MAGI2: variants seen among roughly 807,000 people sequenced by gnomAD.
MAGI2 encodes the protein membrane associated guanylate kinase, WW and PDZ domain containing 2, also known as membrane-associated guanylate kinase, WW and PDZ domain-containing protein 2.
A neutral mutation model predicts 133.3 loss-of-function variants in MAGI2; 35 were observed. The ratio of observed to expected loss-of-function variants is 0.26; its 90% CI spans 0.20 to 0.35. The LOEUF (loss-of-function observed/expected upper bound fraction) is 0.35, where lower values mean the gene tolerates loss of function less well. Ranked by LOEUF, MAGI2 falls within the 10% of genes least tolerant of loss-of-function variation. The probability of loss-of-function intolerance (pLI) is 1.00; values close to 1 mark genes in which losing one functional copy is unlikely to be tolerated. For synonymous variants in MAGI2, 729 were observed against 710.6 expected (o/e 1.03, Z -0.41); for missense variants, 1,636 against 1,863.4 (o/e 0.88, Z 2.25).
At chr7:79,028,275 ATGTATATATATATATATGTGTG>A (rs1810171814) in intron 1 of MAGI2, among the ~76,000 whole-genome samples, 2 of 28,452 alleles carry the variant, frequency 7.0e-5, no homozygotes, top group African/African-American at 2.0e-4. Context: ...ATATGTATGT[ATGTATATATATATATATGTGTG>A]TATATATATA....
chr7:78,976,278 A>T (rs1314600900), intron 2 of MAGI2, among the ~76,000 whole-genome samples: 1 of 151,598 alleles, frequency 6.6e-6, no homozygotes, highest in Non-Finnish European at 1.5e-5. Context: ...TCAACATTAG[A>T]CAATCAATTA....
intron 3 of MAGI2, among the ~76,000 whole-genome samples, chr7:78,571,965 A>G (rs1801544189): frequency 6.6e-6 from 1 of 152,210 alleles, no homozygotes; most frequent in Non-Finnish European, 1.5e-5. Flanking sequence ...AAGTCCTGGC[A>G]CGCAGGACTT....
chr7:78,891,158 C>T (rs1214367523), intron 2 of MAGI2, among the ~76,000 whole-genome samples: 9 of 152,148 alleles, frequency 5.9e-5, no homozygotes, highest in Admixed American at 4.6e-4. Context: ...GACACATACA[C>T]CCTCCCAAGA....
At chr7:78,105,899 CAATT>C (rs1044272097) in intron 20 of MAGI2, among the ~76,000 whole-genome samples, 1 of 151,758 alleles carries the variant, frequency 6.6e-6, no homozygotes, top group Admixed American at 6.6e-5. Context: ...AAACTACAAT[CAATT>C]ATTGTTGACT....
chr7:79,264,774 G>A (rs958779334), intron 1 of MAGI2, among the ~76,000 whole-genome samples: 1 of 152,012 alleles, frequency 6.6e-6, no homozygotes, highest in Non-Finnish European at 1.5e-5. Context: ...GATCTAGTGA[G>A]GGCTTCAGGC....
At chr7:78,729,593 A>G (rs1585216841) in intron 2 of MAGI2, among the ~76,000 whole-genome samples, 2 of 152,192 alleles carry the variant, frequency 1.3e-5, no homozygotes, top group South Asian at 4.1e-4. Context: ...GGTGCTAAGG[A>G]TACAGTGGTG....
intron 12 of MAGI2, among the ~76,000 whole-genome samples, chr7:78,193,064 T>G (rs886306749): frequency 1.3e-5 from 2 of 152,168 alleles, no homozygotes; most frequent in Non-Finnish European, 2.9e-5. Context: ...GAAACAGTAT[T>G]GCAGGGGCTG....
chr7:78,580,276 A>G (rs1478513448), intron 3 of MAGI2, among the ~76,000 whole-genome samples: 1 of 152,202 alleles, frequency 6.6e-6, no homozygotes, highest in Non-Finnish European at 1.5e-5. Flanking sequence ...GTACCCATTT[A>G]AGAGAGGAAT....
chr7:78,695,746 T>C (rs1374831054), intron 2 of MAGI2, among the ~76,000 whole-genome samples: 2 of 152,198 alleles, frequency 1.3e-5, no homozygotes, highest in Non-Finnish European at 2.9e-5. Context: ...ATGCTAATAA[T>C]ACACCATCTT....
At chr7:79,353,637 G>A (rs1841831548) in intron 1 of MAGI2, 1 of 374,334 alleles carries the variant, frequency 2.7e-6, no homozygotes, top group Middle Eastern at 9.8e-4. Context: ...AGATACAGCT[G>A]AGATTGGGGG....
intron 6 of MAGI2, among the ~76,000 whole-genome samples, chr7:78,423,892 T>C (rs1424482428): frequency 6.6e-6 from 1 of 152,162 alleles, no homozygotes; most frequent in Non-Finnish European, 1.5e-5. Flanking sequence ...CATTCAGTTT[T>C]ATAAGGGAAG....
chr7:78,109,296 T>A (rs1199613629), intron 20 of MAGI2, among the ~76,000 whole-genome samples: 1 of 46,682 alleles, frequency 2.1e-5, no homozygotes, highest in Non-Finnish European at 3.6e-5. Flanking sequence ...AGAGCAAGAC[T>A]CCGTCTCAAA....
Position 78,897,962 on chromosome 7 carries a change from C to T in MAGI2, c.418+109128G>A, listed in dbSNP as rs116978210. On this transcript the variant is annotated intron_variant, in intron 2 of 21. Transcript: ENST00000354212. ...ATGCATGTGAGCAAAGGTCTAATAT[C>T]GAGCATCTATAAGGAACTTAAATTT... 3.6e-3 allele frequency among the ~76,000 whole-genome samples: 547 copies of T among 152,262 alleles called. 3 individuals carry two copies. Among genetic ancestry groups the T allele is most frequent in the Admixed American group, 6.0e-3 (92 of 15,302 alleles).
intron 2 of MAGI2, among the ~76,000 whole-genome samples, chr7:78,839,190 G>A (rs532945299): frequency 6.6e-6 from 1 of 152,112 alleles, no homozygotes; most frequent in East Asian, 1.9e-4. Flanking sequence ...TGAGGCATAG[G>A]ATATGATTTT....
At chr7:78,674,544 G>A (rs1001027050) in intron 2 of MAGI2, among the ~76,000 whole-genome samples, 4 of 151,862 alleles carry the variant, frequency 2.6e-5, no homozygotes, top group Non-Finnish European at 1.5e-5. Context: ...GTTATATAAT[G>A]TGTAATTTTT....
At chr7:78,650,764 A>G (rs1384379685) in intron 2 of MAGI2, among the ~76,000 whole-genome samples, 1 of 152,188 alleles carries the variant, frequency 6.6e-6, no homozygotes, top group South Asian at 2.1e-4. Context: ...TTCAAACACA[A>G]TAAGATATAA....
intron 2 of MAGI2, among the ~76,000 whole-genome samples, chr7:78,981,854 C>T (rs1471563215): frequency 1.3e-5 from 2 of 151,854 alleles, no homozygotes; most frequent in Non-Finnish European, 2.9e-5. Context: ...CAAACTGAAG[C>T]ATATATTTCT....
At chr7:78,192,521 G>GTC (rs1460920524) in intron 12 of MAGI2, among the ~76,000 whole-genome samples, 1 of 104,818 alleles carries the variant, frequency 9.5e-6, no homozygotes, top group African/African-American at 3.2e-5. Flanking sequence ...GCAAAAGGCT[G>GTC]TCTTTTTTTT....
intron 2 of MAGI2, among the ~76,000 whole-genome samples, chr7:78,969,055 G>A (rs1023116363): frequency 6.6e-6 from 1 of 152,064 alleles, no homozygotes. Context: ...GCCAGCAGCT[G>A]CACCTGGAAG....
Sources: gnomAD v4.1 joint callset for allele counts (sites outside exome capture counted in the v4.1 genomes callset) on GRCh38, gnomAD v4.1.1 for gene constraint, MANE v1.5 for transcripts, NCBI Gene and HGNC (gene_info 2026-07-23, HGNC 2026-07-21) for gene names.